Variants in MINDY4 observed in about 807,000 individuals in gnomAD.
The protein encoded by MINDY4 is MINDY lysine 48 deubiquitinase 4, also known as probable ubiquitin carboxyl-terminal hydrolase MINDY-4.
A neutral mutation model predicts 87.0 loss-of-function variants in MINDY4; 68 were observed. The ratio of observed to expected loss-of-function variants is 0.78; its 90% CI spans 0.64 to 0.96. The LOEUF (loss-of-function observed/expected upper bound fraction) is 0.96. MINDY4 is among the 40% of genes least tolerant of loss of function. MINDY4 has a pLI of 0.00. For missense variants in MINDY4, 919 were observed against 928.2 expected, an observed-to-expected ratio of 0.99 and a Z score of 0.13; for synonymous variants, 379 against 363.2, an observed-to-expected ratio of 1.04 and a Z score of -0.50.
intron 15 of MINDY4, among the ~76,000 whole-genome samples, chr7:30,876,976 G>T (rs915280492): frequency 6.6e-6 from 1 of 152,122 alleles, no homozygotes; most frequent in Non-Finnish European, 1.5e-5. Flanking sequence ...GGTGTGCTGT[G>T]TCTTGCTAAT....
intron 16 of MINDY4, 129 bp downstream of exon 16, chr7:30,882,490 A>T: frequency 1.2e-6 from 1 of 864,150 alleles, no homozygotes; most frequent in Non-Finnish European, 1.7e-6. Context: ...CAGCATCCAG[A>T]CTGGGGGATC....
chr7:30,800,373 A>G (rs1405764010), intron 5 of MINDY4, among the ~76,000 whole-genome samples: 1 of 152,202 alleles, frequency 6.6e-6, no homozygotes, highest in Non-Finnish European at 1.5e-5. Flanking sequence ...AGCCTTTCCC[A>G]TCATGACATG....
intron 15 of MINDY4, among the ~76,000 whole-genome samples, chr7:30,881,052 C>G (rs1029931659): frequency 2.9e-4 from 44 of 152,194 alleles, no homozygotes; most frequent in African/African-American, 1.0e-3. Flanking sequence ...TTTCTTTAAT[C>G]CACAGGCTGT....
Position 30,840,891 on chromosome 7 carries a change from C to T in MINDY4, c.1445+43C>T, listed in dbSNP as rs202153982. The T allele has an allele frequency of 7.6e-4, 1,190 of 1,561,432 alleles. 4 individuals carry two copies. Among genetic ancestry groups the T allele is most frequent in the Middle Eastern group, 1.2e-3 (7 of 5,976 alleles). ...CTGGCAATATCTTATTTTCCCAAGT[C>T]TTCCCCAGAGTGTCCAGAAAAAACA... On this transcript the variant is annotated intron_variant, in intron 9 of 17. Coordinates refer to ENST00000265299, the MANE Select transcript of MINDY4 (RefSeq NM_032222.3).
chr7:30,878,156 C>T (rs1437022213), intron 15 of MINDY4, among the ~76,000 whole-genome samples: 7 of 152,216 alleles, frequency 4.6e-5, no homozygotes, highest in Middle Eastern at 3.4e-3. Context: ...CCTCAGGCAG[C>T]ACAGACACAG....
At chr7:30,886,563 C>T (rs1352727849) in intron 17 of MINDY4, among the ~76,000 whole-genome samples, 1 of 152,218 alleles carries the variant, frequency 6.6e-6, no homozygotes, top group East Asian at 1.9e-4. Flanking sequence ...GTCCCAGCCA[C>T]ACTTTGAGTC....
At chr7:30,885,706 AC>A (rs144436645) in intron 17 of MINDY4, among the ~76,000 whole-genome samples, 8,503 of 123,570 alleles carry the variant, frequency 0.069, 299 homozygotes, top group South Asian at 0.13. Context: ...GGCAGTGCCC[AC>A]CCCCCCCCCA....
intron 12 of MINDY4, among the ~76,000 whole-genome samples, chr7:30,857,012 T>C (rs2128572937): frequency 6.6e-6 from 1 of 152,344 alleles, no homozygotes; most frequent in East Asian, 1.9e-4. Context: ...GCAGCATAAA[T>C]GAAGTGGCTG....
chr7:30,887,963 C>T (rs1215249814), intron 17 of MINDY4, among the ~76,000 whole-genome samples: 2 of 152,204 alleles, frequency 1.3e-5, no homozygotes, highest in Admixed American at 6.5e-5. Context: ...AACTTTCACA[C>T]AGGCCTATTT....
chr7:30,815,588 T>A (rs1788124043), intron 5 of MINDY4, among the ~76,000 whole-genome samples: 1 of 152,222 alleles, frequency 6.6e-6, no homozygotes, highest in African/African-American at 2.4e-5. Context: ...AACATTTTGC[T>A]TGGTGAACTG....
chr7:30,797,448 G>A (rs1787523278), intron 5 of MINDY4, among the ~76,000 whole-genome samples: 1 of 152,222 alleles, frequency 6.6e-6, no homozygotes, highest in Admixed American at 6.5e-5. Context: ...ACACTTGAGA[G>A]GAGGCCAGAA....
chr7:30,801,576 G>A (rs1030434060), intron 5 of MINDY4, among the ~76,000 whole-genome samples: 3 of 152,042 alleles, frequency 2.0e-5, no homozygotes, highest in Non-Finnish European at 4.4e-5. Flanking sequence ...ACAGTGGAAT[G>A]CCATTTCTCC....
intron 5 of MINDY4, among the ~76,000 whole-genome samples, chr7:30,819,405 A>G (rs1293665718): frequency 6.6e-6 from 1 of 152,164 alleles, no homozygotes; most frequent in Non-Finnish European, 1.5e-5. Flanking sequence ...TTGAGACATA[A>G]TATGTGGACT....
At chr7:30,882,845 G>C in intron 16 of MINDY4, 76 bp from the exon 17 acceptor site, 1 of 1,358,436 alleles carries the variant, frequency 7.4e-7, no homozygotes, top group Non-Finnish European at 1.0e-6. Context: ...GGCGGGTCTC[G>C]GGAGTGGTCA....
At position 30,882,171 on chromosome 7, in the gene MINDY4, C is replaced by T. The variant is rs373105216; in HGVS notation, c.1972-10C>T. The T allele has an allele frequency of 4.9e-5, 78 of 1,600,154 alleles. No homozygotes were observed. Among genetic ancestry groups the T allele is most frequent in the Non-Finnish European group, 5.9e-5 (69 of 1,170,170 alleles). The stretch of plus-strand genomic sequence containing the variant: ...GACGGCATTTCACATCAGGCCTCTC[C>T]CTCATCCAGGTTGGCTGCTTCCTGA... On this transcript the variant is annotated splice_polypyrimidine_tract_variant and intron_variant, in intron 15 of 17. Transcript: ENST00000265299.
intron 5 of MINDY4, among the ~76,000 whole-genome samples, chr7:30,826,165 A>G (rs549472267): frequency 5.9e-5 from 9 of 152,224 alleles, no homozygotes; most frequent in Middle Eastern, 3.4e-3. Flanking sequence ...AAGATCCTTC[A>G]CTTATTCTTA....
intron 15 of MINDY4, among the ~76,000 whole-genome samples, chr7:30,880,309 C>CG (rs1790422828): frequency 6.7e-6 from 1 of 148,734 alleles, no homozygotes; most frequent in Non-Finnish European, 1.5e-5. Flanking sequence ...CGCACCCCCC[C>CG]CCACCCCCGA....
chr7:30,817,005 C>T (rs569596627), intron 5 of MINDY4, among the ~76,000 whole-genome samples: 17 of 152,214 alleles, frequency 1.1e-4, no homozygotes, highest in East Asian at 1.9e-4. Context: ...GATGACTTCT[C>T]GATAACCCAA....
At chr7:30,784,535 G>A (rs988951382) in intron 3 of MINDY4, among the ~76,000 whole-genome samples, 3 of 152,176 alleles carry the variant, frequency 2.0e-5, no homozygotes, top group African/African-American at 7.2e-5. Flanking sequence ...AAAGAGTCTG[G>A]CCATGCCGCT....
Sources: gnomAD v4.1 joint callset for allele counts (sites outside exome capture counted in the v4.1 genomes callset) on GRCh38, gnomAD v4.1.1 for gene constraint, MANE v1.5 for transcripts, NCBI Gene and HGNC (gene_info 2026-07-23, HGNC 2026-07-21) for gene names.